CLSTN3: variants seen among roughly 807,000 people sequenced by gnomAD.
CLSTN3 encodes the protein calsyntenin-3.
A neutral mutation model predicts 95.9 loss-of-function variants in CLSTN3; 36 were observed. The ratio of observed to expected loss-of-function variants is 0.38; its 90% CI spans 0.29 to 0.50. The LOEUF (loss-of-function observed/expected upper bound fraction) is 0.50. CLSTN3 is among the 20% of genes least tolerant of loss of function. The pLI is 0.95. For missense variants in CLSTN3, 1,084 were observed against 1,268.8 expected (o/e 0.85, Z 2.21); for synonymous variants, 481 against 504.0 (o/e 0.95, Z 0.61).
At chr12:7,148,880 A>C in intron 12 of CLSTN3, 92 bp from the exon 13 acceptor site, 4 of 1,031,960 alleles carry the variant, frequency 3.9e-6, no homozygotes, top group South Asian at 1.5e-5. Flanking sequence ...GCTCTATGAT[A>C]GAGGTAGCTG....
intron 8 of CLSTN3, among the ~76,000 whole-genome samples, chr12:7,140,969 C>A (rs770483252): frequency 2.0e-5 from 3 of 152,174 alleles, no homozygotes; most frequent in Admixed American, 2.0e-4. Context: ...GGAATTTATT[C>A]ATGAAAGTGT....
chr12:7,151,934 G>C (rs775745602), intron 16 of CLSTN3, among the ~76,000 whole-genome samples: 2 of 151,922 alleles, frequency 1.3e-5, no homozygotes, highest in Non-Finnish European at 2.9e-5. Flanking sequence ...GGTGCCTGTA[G>C]TCCCAGCTAC....
chr12:7,152,760 G>A (rs1206868577), intron 16 of CLSTN3, among the ~76,000 whole-genome samples: 1 of 152,164 alleles, frequency 6.6e-6, no homozygotes, highest in Non-Finnish European at 1.5e-5. Flanking sequence ...ATGGGTACCA[G>A]AATTATCCCC....
Position 7,137,019 on chromosome 12 carries a change from C to T in CLSTN3, c.1119C>T (p.His373=). ...GSGPQDSLSD[H]FTLSFWMKHG... is the part of the protein sequence containing the mutation. Reference sequence around the variant, plus strand: ...GGCCCCAGGACAGCCTCAGTGACCACTTCACCCTGTCCTTCTGGATGAAGC... The same window carrying T: ...GGCCCCAGGACAGCCTCAGTGACCATTTCACCCTGTCCTTCTGGATGAAGC... Residue 373 remains histidine, a synonymous_variant, in exon 7 of 18, where the codon CAC becomes CAT. Transcript: ENST00000266546. This position sits in a 1 kb window ranked among gnomAD's most constrained non-coding sequence, Gnocchi z 4.4. 6.2e-7 allele frequency: 1 copy of T among 1,614,258 alleles called. No homozygotes were observed. Among genetic ancestry groups the T allele is most frequent in the Non-Finnish European group, 8.5e-7 (1 of 1,180,040 alleles).
intron 12 of CLSTN3, among the ~76,000 whole-genome samples, chr12:7,148,631 T>C (rs1939669040): frequency 1.3e-5 from 2 of 152,266 alleles, no homozygotes; most frequent in Admixed American, 1.3e-4. Context: ...TATACCTGTT[T>C]GTCAGTTCAG....
chr12:7,150,801 G>A lies in CLSTN3; in HGVS notation c.2391+112G>A. 3 of 1,554,562 alleles carry A rather than the reference G, an allele frequency of 1.9e-6. No individual in the cohort carries two copies. Among genetic ancestry groups the A allele is most frequent in the Non-Finnish European group, 2.6e-6 (3 of 1,141,514 alleles). ...CATGGACATGGCAGCGTGGAGGGCT[G>A]CTGGACCTTGCAGTGGGTGGAGGAG... is the stretch of plus-strand genomic sequence containing the variant. On this transcript the variant is annotated intron_variant, in intron 15 of 17. Coordinates refer to ENST00000266546, the MANE Select transcript of CLSTN3 (RefSeq NM_014718.4). This position sits in a 1 kb window ranked among gnomAD's most constrained non-coding sequence, Gnocchi z 4.0.
Position 7,133,865 on chromosome 12 carries a change from C to A in CLSTN3, c.383+97C>A. ...TGTCCGTGCGGTCATCGAATATCCA[C>A]CCCCACCCGCTGCTGTTCCTAGGAC... is the stretch of plus-strand genomic sequence containing the variant. On this transcript the variant is annotated intron_variant, in intron 3 of 17. Transcript: ENST00000266546. The surrounding 1 kb of genome is among the most constrained non-coding windows in gnomAD (Gnocchi z 4.7). The A allele has an allele frequency of 2.0e-6, 2 of 978,946 alleles. No homozygotes were observed. Among genetic ancestry groups the A allele is most frequent in the Non-Finnish European group, 3.0e-6 (2 of 666,286 alleles). The allele number at this position is 978,946 out of a possible 1,614,324, so 60.6% of individuals were successfully genotyped here. A position where few individuals can be genotyped will look rare whatever the true frequency, so the allele number is the denominator to read the frequency against.
At position 7,149,587 on chromosome 12, in the gene CLSTN3, G is replaced by A; in HGVS notation, c.2139G>A (p.Val713=). 3 of 1,614,178 alleles carry A rather than the reference G, an allele frequency of 1.9e-6. No individual in the cohort carries two copies. The highest frequency in any genetic ancestry group is 2.5e-6 in the Non-Finnish European group (3 of 1,180,018). The part of the protein sequence containing the change: ...HNLDGCEISL[V]GDDLDPERES... ...TGGATGGCTGTGAAATTTCTCTGGTGGGGGATGACCTGGATCCCGAGCGGG... is the reference window on the plus strand; with the variant it reads ...TGGATGGCTGTGAAATTTCTCTGGTAGGGGATGACCTGGATCCCGAGCGGG... Residue 713 remains valine, a synonymous_variant, in exon 14 of 18, where the codon GTG becomes GTA. Coordinates refer to ENST00000266546, the MANE Select transcript of CLSTN3 (RefSeq NM_014718.4). This position sits in a 1 kb window ranked among gnomAD's most constrained non-coding sequence, Gnocchi z 4.5.
At chr12:7,136,472 C>G in intron 6 of CLSTN3, 81 bp downstream of exon 6, 1 of 1,310,518 alleles carries the variant, frequency 7.6e-7, no homozygotes, top group East Asian at 2.5e-5. Context: ...CTCTGCTTTA[C>G]ATCACCACTG....
chr12:7,133,707 A>G lies in CLSTN3; in HGVS notation c.322A>G (p.Thr108Ala). 6.2e-7 allele frequency: 1 copy of G among 1,613,716 alleles called. No homozygotes were observed. Among genetic ancestry groups the G allele is most frequent in the Non-Finnish European group, 8.5e-7 (1 of 1,179,814 alleles). The change falls in exon 3 of 18, where the codon ACC (threonine) becomes GCC (alanine). Residue 108 changes from threonine to alanine, a missense_variant. Transcript: ENST00000266546. The surrounding 1 kb of genome is among the most constrained non-coding windows in gnomAD (Gnocchi z 4.7). ...CGAGGCCCAGAAGGAACACACCTTC[A>G]CCATCCAGGCCTATGACTGTGGCGA... ...DCEAQKEHTF[T>A]IQAYDCGEGP...
At chr12:7,129,797 G>C (rs1939243406), upstream of CLSTN3, 1 of 985,772 alleles carries the variant, frequency 1.0e-6, no homozygotes, top group Middle Eastern at 5.2e-4. The surrounding 1 kb of genome is among the most constrained non-coding windows in gnomAD (Gnocchi z 5.5). Flanking sequence ...GGCAGGACAG[G>C]TAGGCAGGAG....
chr12:7,158,227 C>T lies in CLSTN3; in HGVS notation c.*146C>T, dbSNP rs958890260. 6.2e-5 allele frequency: 66 copies of T among 1,059,710 alleles called. No homozygotes were observed. Among genetic ancestry groups the T allele is most frequent in the Middle Eastern group, 2.1e-4 (1 of 4,666 alleles). The allele number at this position is 1,059,710 out of a possible 1,614,324, so 65.6% of individuals were successfully genotyped here. A position where few individuals can be genotyped will look rare whatever the true frequency, so the allele number is the denominator to read the frequency against. The stretch of plus-strand genomic sequence containing the variant: ...TCCTCCTTTCATTTCAAAACCCCAG[C>T]GGGCCCTCTGGAGTCCGCCCTGCCC... On this transcript the variant is annotated 3_prime_UTR_variant, in exon 18 of 18. Coordinates refer to ENST00000266546, the MANE Select transcript of CLSTN3 (RefSeq NM_014718.4).
Position 7,130,564 on chromosome 12 carries a change from G to T in CLSTN3, c.-85G>T. 6.5e-7 allele frequency: 1 copy of T among 1,548,228 alleles called. No individual in the cohort carries two copies. Among genetic ancestry groups the T allele is most frequent in the Non-Finnish European group, 8.7e-7 (1 of 1,146,760 alleles). ...GTACCCCGCTCCTTGGAGACCCCCTGTATCCCTCCCGCAAGGTGGAATCCG... is the reference window on the plus strand; with the variant it reads ...GTACCCCGCTCCTTGGAGACCCCCTTTATCCCTCCCGCAAGGTGGAATCCG... On this transcript the variant is annotated 5_prime_UTR_variant, in exon 1 of 18. Transcript: ENST00000266546.
chr12:7,153,718 A>G (rs1185885025), intron 16 of CLSTN3, among the ~76,000 whole-genome samples: 2 of 152,100 alleles, frequency 1.3e-5, no homozygotes, highest in African/African-American at 2.4e-5. Context: ...CTGGTTGGAT[A>G]CTAGGTCCTG....
At position 7,157,565 on chromosome 12, in the gene CLSTN3, G is replaced by A. The variant is rs765739436; in HGVS notation, c.2604G>A (p.Val868=). ...TGCTCATGGTCGTCCTGGGCCTGGT[G>A]CGCATCCATTCCCTTCACCGCCGCG... ...FLVLMVVLGL[V]RIHSLHRRVS... The change falls in exon 17 of 18, where the codon GTG becomes GTA. Residue 868 remains valine, a synonymous_variant. Coordinates refer to ENST00000266546, the MANE Select transcript of CLSTN3 (RefSeq NM_014718.4). This position sits in a 1 kb window ranked among gnomAD's most constrained non-coding sequence, Gnocchi z 5.9. 5.0e-6 allele frequency: 8 copies of A among 1,613,234 alleles called. No individual in the cohort carries two copies. The highest frequency in any genetic ancestry group is 6.8e-6 in the Non-Finnish European group (8 of 1,179,732).
intron 8 of CLSTN3, among the ~76,000 whole-genome samples, chr12:7,140,187 C>G (rs1055081731): frequency 2.6e-5 from 4 of 152,088 alleles, no homozygotes; most frequent in Non-Finnish European, 4.4e-5. Flanking sequence ...AAGGGAAGAT[C>G]AAAGTTGTCT....
At chr12:7,129,190 C>T, upstream of CLSTN3, 2 of 265,626 alleles carry the variant, frequency 7.5e-6, no homozygotes, top group Admixed American at 8.7e-5. This position sits in a 1 kb window ranked among gnomAD's most constrained non-coding sequence, Gnocchi z 5.5. Context: ...TGGGAACCGT[C>T]CCAGGGCCTG....
At chr12:7,142,737 G>GTTTCCACATTTCTCCTTTTTTTT in intron 10 of CLSTN3, 132 bp from the exon 11 acceptor site, 3 of 224,116 alleles carry the variant, frequency 1.3e-5, no homozygotes, top group South Asian at 7.6e-5. Context: ...TTTTTTTTTG[G>GTTTCCACATTTCTCCTTTTTTTT]TTTCCACATT....
At chr12:7,134,174 G>T (rs777959312) in intron 3 of CLSTN3, among the ~76,000 whole-genome samples, 1 of 152,178 alleles carries the variant, frequency 6.6e-6, no homozygotes, top group African/African-American at 2.4e-5. Context: ...ATAATGATGA[G>T]GAGGAGAGCA....
Sources: allele counts gnomAD v4.1 joint callset (sites outside exome capture counted in the v4.1 genomes callset), GRCh38; gene constraint gnomAD v4.1.1; non-coding constraint Gnocchi (gnomAD v3.1); transcripts MANE v1.5; gene names NCBI Gene and HGNC (gene_info 2026-07-23, HGNC 2026-07-21).